Variants in UBASH3B observed in about 807,000 individuals in gnomAD.
UBASH3B encodes the protein ubiquitin associated and SH3 domain containing B, also known as ubiquitin-associated and SH3 domain-containing protein B.
A neutral mutation model predicts 83.4 loss-of-function variants in UBASH3B; 37 were observed. The ratio of observed to expected loss-of-function variants is 0.44; its 90% CI spans 0.34 to 0.58. The LOEUF is 0.58. UBASH3B is among the 20% of genes least tolerant of loss of function. The pLI is 0.01. For missense variants in UBASH3B, 657 were observed against 827.2 expected (o/e 0.79, Z 2.52); for synonymous variants, 304 against 318.3 (o/e 0.96, Z 0.48).
chr11:122,755,310 G>A (rs557257164), intron 1 of UBASH3B, among the ~76,000 whole-genome samples: 16 of 152,092 alleles, frequency 1.1e-4, no homozygotes, highest in South Asian at 2.1e-4. Flanking sequence ...TTCCCACCTC[G>A]CCCATGCAGA....
chr11:122,730,373 G>A (rs1459655968), intron 1 of UBASH3B, among the ~76,000 whole-genome samples: 1 of 152,146 alleles, frequency 6.6e-6, no homozygotes, highest in African/African-American at 2.4e-5. Flanking sequence ...AGAGACCCAA[G>A]GACTTGGCCG....
chr11:122,789,400 A>C (rs1438463021), intron 6 of UBASH3B, 92 bp downstream of exon 6: 10 of 1,399,970 alleles, frequency 7.1e-6, no homozygotes, highest in Non-Finnish European at 1.0e-5. Context: ...AATGGAGTCC[A>C]TGGGAAGAAG....
chr11:122,665,635 T>G (rs781495116), intron 1 of UBASH3B, among the ~76,000 whole-genome samples: 2 of 152,220 alleles, frequency 1.3e-5, no homozygotes, highest in African/African-American at 2.4e-5. Flanking sequence ...CTCCTCTCCC[T>G]TTAAAGAAAA....
chr11:122,711,975 G>C (rs1316995653), intron 1 of UBASH3B, among the ~76,000 whole-genome samples: 1 of 151,586 alleles, frequency 6.6e-6, no homozygotes, highest in Non-Finnish European at 1.5e-5. Context: ...CATCTAGAAA[G>C]GACAGCCCGC....
intron 1 of UBASH3B, among the ~76,000 whole-genome samples, chr11:122,716,500 G>A (rs372192349): frequency 1.3e-5 from 2 of 152,170 alleles, no homozygotes; most frequent in Non-Finnish European, 2.9e-5. Flanking sequence ...CACATATGCC[G>A]TGAGTTAGCT....
chr11:122,769,945 A>G (rs1462853815), intron 1 of UBASH3B, among the ~76,000 whole-genome samples: 1 of 152,238 alleles, frequency 6.6e-6, no homozygotes, highest in Non-Finnish European at 1.5e-5. Flanking sequence ...GGAGGTTGAG[A>G]ACATTTTTTA....
Position 122,762,467 on chromosome 11 carries a change from G to A in UBASH3B, c.162-13752G>A, listed in dbSNP as rs568560792. Among the ~76,000 whole-genome samples, 9 of 152,298 alleles carry A rather than the reference G, an allele frequency of 5.9e-5. No individual in the cohort carries two copies. The South Asian group carries it at 1.7e-3, about 28-fold the overall frequency. On this transcript the variant is annotated intron_variant, in intron 1 of 13. Coordinates refer to ENST00000284273, the MANE Select transcript of UBASH3B (RefSeq NM_032873.5). The stretch of plus-strand genomic sequence containing the variant: ...CTCAGGGCTATCACTCTTCTGTTAG[G>A]ATACTTCCGCTCAGCAAAAATGCAC...
At chr11:122,748,957 C>T (rs1160147071) in intron 1 of UBASH3B, among the ~76,000 whole-genome samples, 1 of 152,200 alleles carries the variant, frequency 6.6e-6, no homozygotes, top group East Asian at 1.9e-4. Flanking sequence ...TCTGCCAGAA[C>T]CCTCAACTTT....
At chr11:122,722,710 CT>C (rs35917085) in intron 1 of UBASH3B, among the ~76,000 whole-genome samples, 129 of 146,286 alleles carry the variant, frequency 8.8e-4, no homozygotes, top group Admixed American at 1.2e-3. Context: ...TCTGGTATTT[CT>C]TTTTTTTTTT....
At position 122,779,646 on chromosome 11, in the gene UBASH3B, C is replaced by G. The variant is rs776029191; in HGVS notation, c.552C>G (p.Val184=). The G allele has an allele frequency of 6.8e-6, 11 of 1,614,208 alleles. No individual in the cohort carries two copies. The highest frequency in any genetic ancestry group is 5.9e-6 in the Non-Finnish European group (7 of 1,180,044). ...GLFVKEDSAE[V]LKKFAADFAA... ...TTGTAAAGGAAGACAGTGCGGAGGT[C>G]CTCAAGAAGTTTGCTGCTGACTTTG... Residue 184 remains valine, a synonymous_variant, in exon 4 of 14, where the codon GTC becomes GTG. Transcript: ENST00000284273.
At chr11:122,677,534 G>A (rs1863683808) in intron 1 of UBASH3B, among the ~76,000 whole-genome samples, 1 of 152,172 alleles carries the variant, frequency 6.6e-6, no homozygotes, top group Non-Finnish European at 1.5e-5. Context: ...GTCAGCTTAT[G>A]TCAGTTTCCC....
chr11:122,657,068 G>A (rs1863374387), intron 1 of UBASH3B, among the ~76,000 whole-genome samples: 1 of 152,210 alleles, frequency 6.6e-6, no homozygotes. Flanking sequence ...CTAAGAGGAA[G>A]CCAAGGCCCA....
chr11:122,699,535 TTC>T (rs1187281858), intron 1 of UBASH3B, among the ~76,000 whole-genome samples: 1 of 105,620 alleles, frequency 9.5e-6, no homozygotes. Context: ...TTCTTTCTCT[TTC>T]TTTCTTTCTT....
chr11:122,802,313 GAAAAAAAAAAAA>G (rs147011358), intron 11 of UBASH3B, among the ~76,000 whole-genome samples: 4 of 66,214 alleles, frequency 6.0e-5, no homozygotes, highest in East Asian at 3.8e-4. Context: ...GACTCTGTCT[GAAAAAAAAAAAA>G]AAAAAAAAAA....
intron 1 of UBASH3B, among the ~76,000 whole-genome samples, chr11:122,689,000 A>G (rs759317641): frequency 4.3e-5 from 6 of 140,762 alleles, no homozygotes; most frequent in Non-Finnish European, 7.5e-5. Flanking sequence ...GGGTTCCACC[A>G]TATTGGCCAG....
chr11:122,710,816 TA>T (rs1864181412), intron 1 of UBASH3B, among the ~76,000 whole-genome samples: 1 of 148,708 alleles, frequency 6.7e-6, no homozygotes. Flanking sequence ...TCTCATTCCA[TA>T]AGGAGAGGAA....
chr11:122,790,986 T>C (rs1591815528), intron 6 of UBASH3B, among the ~76,000 whole-genome samples: 1 of 150,834 alleles, frequency 6.6e-6, no homozygotes, highest in Non-Finnish European at 1.5e-5. Flanking sequence ...TGAGAAGCAG[T>C]GCTGATCTCT....
intron 1 of UBASH3B, among the ~76,000 whole-genome samples, chr11:122,735,930 T>C (rs1205215090): frequency 6.6e-6 from 1 of 151,958 alleles, no homozygotes; most frequent in Non-Finnish European, 1.5e-5. Context: ...TAACAGGGAG[T>C]CCCTGAAGGT....
intron 1 of UBASH3B, among the ~76,000 whole-genome samples, chr11:122,688,442 T>G (rs190279782): frequency 6.7e-5 from 8 of 119,908 alleles, no homozygotes; most frequent in African/African-American, 2.4e-4. Flanking sequence ...TGGGGTTTTG[T>G]GGTTTGTTTG....
Sources: gnomAD v4.1 joint callset for allele counts (sites outside exome capture counted in the v4.1 genomes callset) on GRCh38, gnomAD v4.1.1 for gene constraint, MANE v1.5 for transcripts, NCBI Gene and HGNC (gene_info 2026-07-23, HGNC 2026-07-21) for gene names.